ABCC2: variants seen among roughly 807,000 people sequenced by gnomAD.
ABCC2 encodes the protein ATP-binding cassette sub-family C member 2.
A neutral mutation model predicts 173.4 loss-of-function variants in ABCC2; 157 were observed. The ratio of observed to expected loss-of-function variants is 0.91; its 90% CI spans 0.80 to 1.03. The LOEUF is 1.03. ABCC2 is among the 50% of genes least tolerant of loss of function. ABCC2 has a pLI of 0.00. For synonymous variants in ABCC2, 657 were observed against 693.5 expected (o/e 0.95, Z 0.83); for missense variants, 1,822 against 1,852.3 (o/e 0.98, Z 0.30).
intron 30 of ABCC2, among the ~76,000 whole-genome samples, chr10:99,849,456 C>G (rs1199953025): frequency 6.6e-6 from 1 of 152,166 alleles, no homozygotes; most frequent in Non-Finnish European, 1.5e-5. Flanking sequence ...CATCTTTCTC[C>G]TGTCCAAGCT....
chr10:99,790,832 T>C (rs1001875776), intron 2 of ABCC2, among the ~76,000 whole-genome samples: 2 of 152,224 alleles, frequency 1.3e-5, no homozygotes, highest in Non-Finnish European at 2.9e-5. Context: ...TCTCCTTTCT[T>C]GGCTGGTTTT....
At position 99,810,117 on chromosome 10, in the gene ABCC2, T is replaced by C. The variant is rs1297489707; in HGVS notation, c.1816-17T>C. The C allele has an allele frequency of 6.2e-7, 1 of 1,610,408 alleles. No individual in the cohort carries two copies. Among genetic ancestry groups the C allele is most frequent in the South Asian group, 1.1e-5 (1 of 91,014 alleles). On this transcript the variant is annotated splice_polypyrimidine_tract_variant and intron_variant, in intron 13 of 31. Transcript: ENST00000647814. Reference sequence around the variant, plus strand: ...TTACTGACTTTAATTCTTGAGATCCTTTGTGTCCTTCTCTAGGCCAGTGTT... The same window carrying C: ...TTACTGACTTTAATTCTTGAGATCCCTTGTGTCCTTCTCTAGGCCAGTGTT...
At chr10:99,821,825 G>A (rs563028055) in intron 19 of ABCC2, among the ~76,000 whole-genome samples, 439 of 151,484 alleles carry the variant, frequency 2.9e-3, no homozygotes, top group African/African-American at 9.5e-3. Context: ...CGACAAAACC[G>A]CCATCGTCAT....
At chr10:99,814,442 CATATGTGTGTATAT>C (rs2038324058) in intron 16 of ABCC2, among the ~76,000 whole-genome samples, 2 of 106,302 alleles carry the variant, frequency 1.9e-5, no homozygotes, top group Admixed American at 1.8e-4. Flanking sequence ...TGTATACACA[CATATGTGTGTATAT>C]ACATACACAC....
intron 2 of ABCC2, among the ~76,000 whole-genome samples, chr10:99,787,241 A>G (rs1368381620): frequency 6.6e-6 from 1 of 151,890 alleles, no homozygotes; most frequent in Non-Finnish European, 1.5e-5. Flanking sequence ...AGAACATTTC[A>G]TTATCTTTAA....
rs754633636 is a variant in ABCC2, at chr10:99,805,409, C to G, written c.1492C>G (p.Arg498Gly). The G allele has an allele frequency of 6.2e-7, 1 of 1,613,780 alleles. No homozygotes were observed. Among genetic ancestry groups the G allele is most frequent in the African/African-American group, 1.3e-5 (1 of 74,976 alleles). Residue 498 changes from arginine (R) to glycine (G), a missense_variant, in exon 11 of 32, where the codon CGT becomes GGT. By Grantham distance (125) the Arg-to-Gly change is moderately radical. Transcript: ENST00000647814. ...QVKNMKNKDKRLKIMNEILSG... is the reference protein window; with the variant it reads ...QVKNMKNKDKGLKIMNEILSG... ...CAAAAATATGAAGAATAAAGACAAA[C>G]GTTTAAAGATCATGAATGAGATTCT...
At position 99,792,321 on chromosome 10, in the gene ABCC2, G is replaced by C. The variant is rs1364066487; in HGVS notation, c.295G>C (p.Val99Leu). 2 of 1,614,128 alleles carry C rather than the reference G, an allele frequency of 1.2e-6. No individual in the cohort carries two copies. The highest frequency in any genetic ancestry group is 4.5e-5 in the East Asian group (2 of 44,878). The part of the protein sequence containing the change: ...EDSGQATVPA[V>L]RYTNPSLYLG... ...CTCTGGACAAGCCACAGTCCCTGCT[G>C]TTCGATATACCAATCCAAGCCTCTA... The change falls in exon 3 of 32, where the codon GTT (valine) becomes CTT (leucine). Residue 99 changes from valine (V) to leucine (L), a missense_variant. Transcript: ENST00000647814.
At chr10:99,820,724 C>T (rs1307359003) in intron 19 of ABCC2, among the ~76,000 whole-genome samples, 2 of 152,120 alleles carry the variant, frequency 1.3e-5, no homozygotes, top group African/African-American at 4.8e-5. Context: ...GCAGGAGTAT[C>T]AGGGACCAGC....
chr10:99,842,134 T>G (rs1363136687), intron 26 of ABCC2, 41 bp downstream of exon 26: 3 of 1,613,254 alleles, frequency 1.9e-6, no homozygotes, highest in African/African-American at 1.3e-5. Context: ...TTAGTGTGCT[T>G]ATTCTTAAAT....
chr10:99,834,304 T>G, intron 23 of ABCC2, 76 bp from the exon 24 acceptor site: 1 of 1,467,474 alleles, frequency 6.8e-7, no homozygotes, highest in Non-Finnish European at 9.5e-7. Flanking sequence ...AACAGATTCC[T>G]TGCTAGAACT....
At chr10:99,814,270 T>C (rs201020798) in intron 16 of ABCC2, among the ~76,000 whole-genome samples, 1,362 of 26,816 alleles carry the variant, frequency 0.051, 166 homozygotes, top group African/African-American at 0.067. Context: ...CACGTATGTA[T>C]ACACACGTAT....
intron 26 of ABCC2, among the ~76,000 whole-genome samples, chr10:99,842,384 C>T (rs1171769440): frequency 6.6e-6 from 1 of 152,098 alleles, no homozygotes; most frequent in African/African-American, 2.4e-5. Context: ...TTGCTTGGTT[C>T]TAGTGAGAGA....
At chr10:99,785,235 T>C (rs527437529) in intron 2 of ABCC2, among the ~76,000 whole-genome samples, 1 of 152,232 alleles carries the variant, frequency 6.6e-6, no homozygotes, top group South Asian at 2.1e-4. Context: ...AAGGTTTCCA[T>C]TTTCCCCGCA....
intron 19 of ABCC2, among the ~76,000 whole-genome samples, chr10:99,829,545 A>T (rs2038703720): frequency 6.6e-6 from 1 of 151,378 alleles, no homozygotes; most frequent in Non-Finnish European, 1.5e-5. Context: ...ACTGTGTCTT[A>T]TATTTTATTT....
At position 99,831,748 on chromosome 10, in the gene ABCC2, T is replaced by C. The variant is rs892786074; in HGVS notation, c.3021T>C (p.Ser1007=). 2.9e-5 allele frequency: 47 copies of C among 1,614,102 alleles called. No individual in the cohort carries two copies. Among genetic ancestry groups the C allele is most frequent in the Non-Finnish European group, 3.9e-5 (46 of 1,180,040 alleles). ...GGCTCAGTGCTTGGACCAGTGACTC[T>C]AAAATCTTCAATAGCACCGACTATC... ...NLWLSAWTSD[S]KIFNSTDYPA... is the part of the protein sequence containing the mutation. Residue 1007 remains serine (S), a synonymous_variant, in exon 22 of 32, where the codon TCT becomes TCC. Transcript: ENST00000647814.
chr10:99,808,461 G>C (rs2038152362), intron 13 of ABCC2, among the ~76,000 whole-genome samples: 4 of 152,114 alleles, frequency 2.6e-5, no homozygotes. Context: ...CTACCTCACA[G>C]GGAGACAATC....
At chr10:99,791,726 G>A (rs1004229919) in intron 2 of ABCC2, among the ~76,000 whole-genome samples, 1 of 152,238 alleles carries the variant, frequency 6.6e-6, no homozygotes, top group African/African-American at 2.4e-5. Flanking sequence ...CTGGCTGTTG[G>A]CGGAAGGTCT....
In ABCC2 at chr10:99,804,049, G is replaced by A. The variant is rs752580497; in HGVS notation, c.1240G>A (p.Glu414Lys). ...ALTLSNLARKEYTVGETVNLM... is the reference protein window; with the variant it reads ...ALTLSNLARKKYTVGETVNLM... ...GACCCTATCCAACTTGGCCAGGAAG[G>A]AGTACACCGTTGGAGAAACAGTGAA... is the stretch of plus-strand genomic sequence containing the variant. Residue 414 changes from glutamate to lysine, a missense_variant, in exon 10 of 32, where the codon GAG becomes AAG. Coordinates refer to ENST00000647814, the MANE Select transcript of ABCC2 (RefSeq NM_000392.5). 6.2e-7 allele frequency: 1 copy of A among 1,614,130 alleles called. No individual in the cohort carries two copies. Among genetic ancestry groups the A allele is most frequent in the Admixed American group, 1.7e-5 (1 of 60,016 alleles).
chr10:99,843,884 C>T lies in ABCC2; in HGVS notation c.3827C>T (p.Thr1276Ile). 1 of 1,613,868 alleles carries T rather than the reference C, an allele frequency of 6.2e-7. No individual in the cohort carries two copies. Reference protein sequence around the residue: ...IVAVERITEYTKVENEAPWVT... With the variant: ...IVAVERITEYIKVENEAPWVT... ...GCTGTTGAGCGAATAACTGAGTACA[C>T]AAAAGTGGAAAATGAGGTAAGGAGG... Residue 1276 changes from threonine to isoleucine, a missense_variant, in exon 27 of 32, where the codon ACA becomes ATA. Transcript: ENST00000647814.
Sources: gnomAD v4.1 joint callset for allele counts (sites outside exome capture counted in the v4.1 genomes callset) on GRCh38, gnomAD v4.1.1 for gene constraint, MANE v1.5 for transcripts, NCBI Gene and HGNC (gene_info 2026-07-23, HGNC 2026-07-21) for gene names.